BCHE: variants seen among roughly 807,000 people sequenced by gnomAD.
The protein encoded by BCHE is butyrylcholinesterase, also known as cholinesterase.
A neutral mutation model predicts 51.3 loss-of-function variants in BCHE; 48 were observed. That is an observed-to-expected ratio of 0.94 (90% CI 0.74 to 1.19). The LOEUF is 1.19. Ranked by LOEUF, BCHE falls within the 50% of genes most tolerant of loss-of-function variation. The pLI is 0.00. For synonymous variants in BCHE, 251 were observed against 238.0 expected (o/e 1.05, Z -0.50); for missense variants, 847 against 708.2 (o/e 1.20, Z -2.23).
chr3:165,819,907 T>C (rs551758641), intron 2 of BCHE, among the ~76,000 whole-genome samples: 1 of 152,288 alleles, frequency 6.6e-6, no homozygotes, highest in East Asian at 1.9e-4. Context: ...TGTACATTCC[T>C]GAAATTATTA....
At chr3:165,807,667 G>T (rs1050675793) in intron 2 of BCHE, among the ~76,000 whole-genome samples, 6 of 151,486 alleles carry the variant, frequency 4.0e-5, no homozygotes, top group Admixed American at 1.3e-4. Flanking sequence ...TAATTACCTT[G>T]CCTCAGCCTC....
At chr3:165,803,490 A>G (rs866037665) in intron 2 of BCHE, among the ~76,000 whole-genome samples, 1 of 152,238 alleles carries the variant, frequency 6.6e-6, no homozygotes, top group East Asian at 1.9e-4. Context: ...GTCACACTTA[A>G]TACATTTATT....
chr3:165,798,265 G>A (rs938145145), intron 2 of BCHE, among the ~76,000 whole-genome samples: 1 of 152,064 alleles, frequency 6.6e-6, no homozygotes, highest in Non-Finnish European at 1.5e-5. Flanking sequence ...AAATCAAAGT[G>A]TGTGTCTGTG....
In BCHE at chr3:165,837,309, C is replaced by A; in HGVS notation, c.-9+5G>T. ...ACACGAAGGTGTAAATTCAGAGCAA[C>A]TTACCCGATTCTCTGCAACAAAGAT... On this transcript the variant is annotated splice_donor_5th_base_variant and intron_variant, in intron 1 of 3. Transcript: ENST00000264381. 7.8e-7 allele frequency: 1 copy of A among 1,287,168 alleles called. No individual in the cohort carries two copies. Among genetic ancestry groups the A allele is most frequent in the Non-Finnish European group, 1.0e-6 (1 of 986,494 alleles). The allele number at this position is 1,287,168 out of a possible 1,614,324, so 79.7% of individuals were successfully genotyped here.
chr3:165,792,296 A>G (rs977094126), intron 2 of BCHE, among the ~76,000 whole-genome samples: 2 of 152,196 alleles, frequency 1.3e-5, no homozygotes, highest in Non-Finnish European at 2.9e-5. Context: ...ATTACTTTTG[A>G]TAAAAAAAAT....
chr3:165,793,960 T>C (rs1201090226), intron 2 of BCHE, among the ~76,000 whole-genome samples: 1 of 151,918 alleles, frequency 6.6e-6, no homozygotes, highest in East Asian at 1.9e-4. Context: ...GGCAGGAGAA[T>C]TGCTTGAACC....
intron 2 of BCHE, among the ~76,000 whole-genome samples, chr3:165,791,988 T>C (rs9880251): frequency 2.8e-4 from 42 of 151,388 alleles, no homozygotes; most frequent in African/African-American, 5.1e-4. Flanking sequence ...TAAAATAAAA[T>C]AAAGAGTTCA....
chr3:165,786,713 C>T (rs144323802), intron 2 of BCHE, among the ~76,000 whole-genome samples: 54 of 151,742 alleles, frequency 3.6e-4, no homozygotes, highest in African/African-American at 1.3e-3. Context: ...TCATCTTTTG[C>T]ATCTATTTCA....
intron 2 of BCHE, among the ~76,000 whole-genome samples, chr3:165,799,417 C>A (rs1007778057): frequency 6.6e-6 from 1 of 152,108 alleles, no homozygotes; most frequent in East Asian, 1.9e-4. Context: ...GTCTAATATG[C>A]AATGAGGGGA....
chr3:165,836,603 G>A (rs1301477577), intron 1 of BCHE, among the ~76,000 whole-genome samples: 1 of 151,956 alleles, frequency 6.6e-6, no homozygotes, highest in African/African-American at 2.4e-5. Flanking sequence ...AGTTTTACAA[G>A]ATTATAGGAT....
intron 2 of BCHE, among the ~76,000 whole-genome samples, chr3:165,804,559 G>A (rs1430753816): frequency 1.3e-5 from 2 of 152,152 alleles, no homozygotes; most frequent in African/African-American, 4.8e-5. Flanking sequence ...CTGGAGGGAG[G>A]TAGAGAGGAC....
At chr3:165,806,795 T>G (rs1037501690) in intron 2 of BCHE, among the ~76,000 whole-genome samples, 1 of 152,148 alleles carries the variant, frequency 6.6e-6, no homozygotes, top group Admixed American at 6.6e-5. Context: ...AATGAAGTAT[T>G]ATTCTAATTG....
chr3:165,832,966 A>T (rs902921780), intron 1 of BCHE, among the ~76,000 whole-genome samples: 2 of 152,148 alleles, frequency 1.3e-5, no homozygotes, highest in Admixed American at 1.3e-4. Flanking sequence ...TTATTAATCC[A>T]TGGTCTGGAG....
rs1576841415 is a variant in BCHE at position 165,789,441 on chromosome 3, A to G, written c.1518-3130T>C. On this transcript the variant is annotated intron_variant, in intron 2 of 3. Transcript: ENST00000264381. Reference sequence around the variant, plus strand: ...ATTGATTCAGGATGCCCTGATATGAAGAAAAATTATGCATCTAGCTTCAAA... The same window carrying G: ...ATTGATTCAGGATGCCCTGATATGAGGAAAAATTATGCATCTAGCTTCAAA... 1.3e-5 allele frequency among the ~76,000 whole-genome samples: 2 copies of G among 152,160 alleles called. 1 individual carries two copies. The highest frequency in any genetic ancestry group is 4.8e-5 in the African/African-American group (2 of 41,458).
intron 2 of BCHE, among the ~76,000 whole-genome samples, chr3:165,802,247 T>C (rs1713681304): frequency 6.6e-6 from 1 of 152,160 alleles, no homozygotes; most frequent in South Asian, 2.1e-4. Flanking sequence ...GTTGGTTGAG[T>C]ATAGTGAGCA....
chr3:165,794,168 A>C (rs370617727), intron 2 of BCHE, among the ~76,000 whole-genome samples: 1 of 152,234 alleles, frequency 6.6e-6, no homozygotes, highest in Non-Finnish European at 1.5e-5. Flanking sequence ...ACAGCAATTT[A>C]ATATTAATCC....
intron 2 of BCHE, among the ~76,000 whole-genome samples, chr3:165,823,262 T>A (rs1714595803): frequency 6.6e-6 from 1 of 152,132 alleles, no homozygotes; most frequent in South Asian, 2.1e-4. Flanking sequence ...ATCTTGTATC[T>A]CTTTGATAAT....
intron 3 of BCHE, among the ~76,000 whole-genome samples, chr3:165,775,755 TA>T (rs1235492306): frequency 6.6e-6 from 1 of 151,944 alleles, no homozygotes; most frequent in Non-Finnish European, 1.5e-5. Context: ...TCTATAAATC[TA>T]AATCTGCTTT....
In BCHE at chr3:165,773,191, CACG is replaced by C; in HGVS notation, c.*188_*190del. 1.4e-5 allele frequency: 7 copies of C among 512,286 alleles called. No homozygotes were observed. The highest frequency in any genetic ancestry group is 1.7e-5 in the Non-Finnish European group (5 of 292,096). 31.7% of individuals were successfully genotyped at this position (512,286 alleles called of 1,614,324 possible). A position where few individuals can be genotyped will look rare whatever the true frequency, so the allele number is the denominator to read the frequency against. Reference sequence around the variant, plus strand: ...CTTTATATTGTGAAATTTAATTAAACACGTTCTAGCCATTTGGGTTTTGAAATG... The same window carrying C: ...CTTTATATTGTGAAATTTAATTAAACTTCTAGCCATTTGGGTTTTGAAATG... On this transcript the variant is annotated 3_prime_UTR_variant, in exon 4 of 4. Coordinates refer to ENST00000264381, the MANE Select transcript of BCHE (RefSeq NM_000055.4).
Sources: gnomAD v4.1 joint callset for allele counts (sites outside exome capture counted in the v4.1 genomes callset) on GRCh38, gnomAD v4.1.1 for gene constraint, MANE v1.5 for transcripts, NCBI Gene and HGNC (gene_info 2026-07-23, HGNC 2026-07-21) for gene names.